The following DLG2 variants were observed in gnomAD, a reference collection of about 807,000 sequenced individuals.
The protein encoded by DLG2 is discs large MAGUK scaffold protein 2.
In DLG2, 45 loss-of-function variants were observed where a neutral mutation model predicts 132.5. The ratio of observed to expected loss-of-function variants is 0.34; its 90% confidence interval spans 0.27 to 0.44. The LOEUF is 0.44. DLG2 is among the 20% of genes least tolerant of loss of function. The pLI is 1.00. For synonymous variants in DLG2, 424 were observed against 419.6 expected (o/e 1.01, Z -0.13); for missense variants, 1,045 against 1,196.9 (o/e 0.87, Z 1.87).
rs184885617 is a variant in DLG2 at position 83,558,949 on chromosome 11, T to C, written c.1941-17091A>G. Reference sequence around the variant, plus strand: ...CTCATCTAGCATGGCAGATGAGATGTGCATAAATACAGGGCAAGACATACT... The same window carrying C: ...CTCATCTAGCATGGCAGATGAGATGCGCATAAATACAGGGCAAGACATACT... On this transcript the variant is annotated intron_variant, in intron 19 of 27. Transcript: ENST00000376104. 4.0e-5 allele frequency among the ~76,000 whole-genome samples: 6 copies of C among 151,810 alleles called. No individual in the cohort carries two copies. The East Asian group carries it at 1.2e-3, about 29-fold the overall frequency.
At chr11:85,187,481 A>T (rs1156601015) in intron 4 of DLG2, among the ~76,000 whole-genome samples, 5 of 152,146 alleles carry the variant, frequency 3.3e-5, no homozygotes. Context: ...AATAGACATG[A>T]TTAAAAATAT....
At chr11:83,850,855 T>G (rs752519902) in intron 16 of DLG2, among the ~76,000 whole-genome samples, 4 of 152,210 alleles carry the variant, frequency 2.6e-5, no homozygotes, top group African/African-American at 4.8e-5. Context: ...CTCTGCATTA[T>G]GTGTTGAATT....
chr11:83,952,974 G>T (rs959318505), intron 14 of DLG2, among the ~76,000 whole-genome samples: 1 of 151,872 alleles, frequency 6.6e-6, no homozygotes, highest in Non-Finnish European at 1.5e-5. Context: ...AAAGCAAATG[G>T]ATATAAAGAT....
In DLG2 at chr11:84,679,192, T is replaced by C. The variant is rs181843549; in HGVS notation, c.358-144461A>G. Among the ~76,000 whole-genome samples, 63 of 152,132 alleles carry C rather than the reference T, an allele frequency of 4.1e-4. No homozygotes were observed. The East Asian group carries it at 0.01, about 24-fold the overall frequency. On this transcript the variant is annotated intron_variant, in intron 6 of 27. Coordinates refer to ENST00000376104, the MANE Select transcript of DLG2 (RefSeq NM_001142699.3). ...AAAAACAATGTGGCTGTACAAAAAA[T>C]ATTTTGTCTCAGGTGCTGATGCTGG...
intron 18 of DLG2, among the ~76,000 whole-genome samples, chr11:83,760,331 A>T (rs1429889301): frequency 1.3e-5 from 2 of 152,232 alleles, no homozygotes; most frequent in Non-Finnish European, 2.9e-5. Flanking sequence ...GGCTCAAAAG[A>T]GGCTGGATCA....
In DLG2 at chr11:84,755,179, T is replaced by C. The variant is rs189834743; in HGVS notation, c.358-220448A>G. On this transcript the variant is annotated intron_variant, in intron 6 of 27. Transcript: ENST00000376104. ...AACCCTAGATGTTACAGTGAATGTT[T>C]TGAAGGTCACAGTTAGTCACAAATT... Among the ~76,000 whole-genome samples, 459 of 152,256 alleles carry C rather than the reference T, an allele frequency of 3.0e-3. 3 individuals are homozygous for C. The highest frequency in any genetic ancestry group is 4.4e-3 in the Non-Finnish European group (296 of 68,020).
chr11:85,035,944 A>G (rs2061400764), intron 6 of DLG2, among the ~76,000 whole-genome samples: 1 of 152,160 alleles, frequency 6.6e-6, no homozygotes, highest in African/African-American at 2.4e-5. Flanking sequence ...TTCTCACTCT[A>G]CTTCAGCTTT....
At chr11:83,466,902 T>C in intron 25 of DLG2, 85 bp from the exon 26 acceptor site, 2 of 871,302 alleles carry the variant, frequency 2.3e-6, no homozygotes, top group Non-Finnish European at 3.8e-6. Context: ...ATGTAGGTTT[T>C]AGAGGAAGGT....
intron 7 of DLG2, among the ~76,000 whole-genome samples, chr11:84,473,188 A>C (rs2099112959): frequency 6.6e-6 from 1 of 152,030 alleles, no homozygotes; most frequent in Non-Finnish European, 1.5e-5. Flanking sequence ...GTTCTGCAAC[A>C]GTTGACTGAC....
At chr11:84,468,485 C>A (rs759308513) in intron 7 of DLG2, among the ~76,000 whole-genome samples, 1 of 151,500 alleles carries the variant, frequency 6.6e-6, no homozygotes, top group Admixed American at 6.6e-5. Context: ...ACCCATGCTG[C>A]AATGATTTAA....
intron 3 of DLG2, among the ~76,000 whole-genome samples, chr11:85,583,872 G>A (rs775552712): frequency 2.6e-4 from 40 of 152,290 alleles, no homozygotes; most frequent in African/African-American, 6.3e-4. Context: ...TCTAAGTTGC[G>A]TCACACCACA....
intron 3 of DLG2, among the ~76,000 whole-genome samples, chr11:85,328,739 G>A (rs1369070085): frequency 2.4e-4 from 36 of 151,302 alleles, no homozygotes; most frequent in African/African-American, 5.6e-4. Flanking sequence ...CTCTCTCACC[G>A]CTCCTATTCA....
chr11:84,716,235 C>T (rs191805592), intron 6 of DLG2, among the ~76,000 whole-genome samples: 1 of 152,016 alleles, frequency 6.6e-6, no homozygotes, highest in Non-Finnish European at 1.5e-5. Context: ...ATCCAGGTCC[C>T]TTGTGCATTT....
At chr11:85,483,365 T>C (rs1437414284) in intron 3 of DLG2, among the ~76,000 whole-genome samples, 1 of 152,188 alleles carries the variant, frequency 6.6e-6, no homozygotes, top group South Asian at 2.1e-4. Context: ...CTAAGAATAC[T>C]GTATCTAGCA....
intron 6 of DLG2, among the ~76,000 whole-genome samples, chr11:84,636,582 T>C (rs980043361): frequency 6.6e-6 from 1 of 152,200 alleles, no homozygotes; most frequent in Non-Finnish European, 1.5e-5. Context: ...GTTTTTATTA[T>C]GCTAGGCAGA....
chr11:85,395,817 T>A (rs945343615), intron 3 of DLG2, among the ~76,000 whole-genome samples: 33 of 152,176 alleles, frequency 2.2e-4, no homozygotes, highest in African/African-American at 8.0e-4. Context: ...CCTCTATCGA[T>A]TCCACTTCTA....
intron 6 of DLG2, among the ~76,000 whole-genome samples, chr11:84,667,555 G>A (rs1281015582): frequency 7.4e-6 from 1 of 134,642 alleles, no homozygotes; most frequent in Non-Finnish European, 1.5e-5. Flanking sequence ...GGAGTACAGT[G>A]GTGCGACCTC....
At chr11:84,337,429 A>G (rs2098491313) in intron 7 of DLG2, among the ~76,000 whole-genome samples, 1 of 152,180 alleles carries the variant, frequency 6.6e-6, no homozygotes, top group South Asian at 2.1e-4. Flanking sequence ...AATTACTCAT[A>G]TCTCCATTGT....
intron 3 of DLG2, among the ~76,000 whole-genome samples, chr11:85,573,239 T>G (rs1197367813): frequency 6.6e-6 from 1 of 152,186 alleles, no homozygotes; most frequent in Non-Finnish European, 1.5e-5. Context: ...TATTTGTTTA[T>G]AGCAATGCAA....
Sources: gnomAD v4.1 joint callset for allele counts (sites outside exome capture counted in the v4.1 genomes callset) on GRCh38, gnomAD v4.1.1 for gene constraint, MANE v1.5 for transcripts, NCBI Gene and HGNC (gene_info 2026-07-23, HGNC 2026-07-21) for gene names.